DGKG: variants seen among roughly 807,000 people sequenced by gnomAD.
The protein encoded by DGKG is diacylglycerol kinase gamma.
DGKG carries 78 observed loss-of-function variants against 105.3 expected under a neutral mutation model. That is an observed-to-expected ratio of 0.74 (90% confidence interval 0.62 to 0.89). The LOEUF is 0.89. Ranked by LOEUF, DGKG falls within the 40% of genes least tolerant of loss-of-function variation. DGKG has a pLI of 0.00. For missense variants in DGKG, 958 were observed against 1,020.1 expected (o/e 0.94, Z 0.83); for synonymous variants, 346 against 367.1 (o/e 0.94, Z 0.66).
intron 1 of DGKG, among the ~76,000 whole-genome samples, chr3:186,337,335 A>G (rs752856008): frequency 6.6e-6 from 1 of 152,150 alleles, no homozygotes; most frequent in African/African-American, 2.4e-5. Flanking sequence ...AATAGAATAT[A>G]AGAGAAATTC....
At chr3:186,271,599 G>T (rs1722319779) in intron 11 of DGKG, among the ~76,000 whole-genome samples, 1 of 152,136 alleles carries the variant, frequency 6.6e-6, no homozygotes, top group African/African-American at 2.4e-5. Flanking sequence ...ACATCTTTAT[G>T]TGCTTGAAGC....
intron 24 of DGKG, chr3:186,161,202 CTTCCA>C: frequency 3.0e-6 from 3 of 990,394 alleles, no homozygotes; most frequent in South Asian, 4.6e-5. Flanking sequence ...GTAGATTTGG[CTTCCA>C]CGTAAGGAAG....
At chr3:186,285,070 T>C (rs943079329) in intron 6 of DGKG, among the ~76,000 whole-genome samples, 5 of 152,176 alleles carry the variant, frequency 3.3e-5, no homozygotes, top group Non-Finnish European at 7.3e-5. Context: ...CTATTGAGCA[T>C]AGAAAGTGTA....
chr3:186,285,908 A>G (rs1723046075), intron 6 of DGKG, among the ~76,000 whole-genome samples: 1 of 151,902 alleles, frequency 6.6e-6, no homozygotes, highest in Non-Finnish European at 1.5e-5. Context: ...CAAACTCCCG[A>G]CCTCAGATGA....
At chr3:186,164,299 AT>A (rs1343097292) in intron 23 of DGKG, among the ~76,000 whole-genome samples, 7 of 152,248 alleles carry the variant, frequency 4.6e-5, no homozygotes, top group African/African-American at 1.7e-4. Context: ...AGCTGCATTG[AT>A]TAATCAGAGG....
chr3:186,341,835 C>T (rs1726101698), intron 1 of DGKG, among the ~76,000 whole-genome samples: 1 of 152,050 alleles, frequency 6.6e-6, no homozygotes, highest in South Asian at 2.1e-4. Context: ...ACTATGCAGC[C>T]ATAAAAAATG....
intron 1 of DGKG, among the ~76,000 whole-genome samples, chr3:186,332,142 G>A (rs1725633896): frequency 6.6e-6 from 1 of 152,130 alleles, no homozygotes; most frequent in Non-Finnish European, 1.5e-5. Context: ...ACATGGAAGG[G>A]GAATGGAAGC....
intron 21 of DGKG, among the ~76,000 whole-genome samples, chr3:186,196,441 T>C (rs1214541521): frequency 2.0e-5 from 3 of 152,192 alleles, no homozygotes; most frequent in Non-Finnish European, 2.9e-5. Flanking sequence ...GCCCAGCCTT[T>C]TTCTCTTCTC....
intron 21 of DGKG, among the ~76,000 whole-genome samples, chr3:186,200,117 T>C (rs1560091414): frequency 6.6e-6 from 1 of 152,124 alleles, no homozygotes; most frequent in Non-Finnish European, 1.5e-5. Context: ...TGGTCCAGGA[T>C]ATTTGTGGGT....
Position 186,261,710 on chromosome 3 carries a change from T to A in DGKG, c.1338A>T (p.Arg446Ser). The stretch of plus-strand genomic sequence containing the variant: ...AGAAGAGAACGTACCTTTCTCCTTG[T>A]CTCCCTCCACTCTTGGGGTTCACCA... ...LVLVNPKSGGRQGERILRKFH... is the reference protein window; with the variant it reads ...LVLVNPKSGGSQGERILRKFH... Residue 446 changes from arginine to serine, a missense_variant, in exon 15 of 25, where the codon AGA becomes AGT. Arg to Ser is a moderately radical substitution (Grantham distance 110). Coordinates refer to ENST00000265022, the MANE Select transcript of DGKG (RefSeq NM_001346.3). 2 of 1,605,918 alleles carry A rather than the reference T, an allele frequency of 1.2e-6. No homozygotes were observed. Among genetic ancestry groups the A allele is most frequent in the Non-Finnish European group, 1.7e-6 (2 of 1,176,522 alleles).
rs1396458499 is a variant in DGKG at position 186,209,095 on chromosome 3, T to TTC, written c.1917+2699_1917+2700insGA. 2.5e-4 allele frequency among the ~76,000 whole-genome samples: 7 copies of TTC among 27,802 alleles called. No homozygotes were observed. The Admixed American group carries it at 2.9e-3, about 12-fold the overall frequency. 18.2% of individuals were successfully genotyped at this position (27,802 alleles called of 152,430 possible). A position where few individuals can be genotyped will look rare whatever the true frequency, so the allele number is the denominator to read the frequency against. On this transcript the variant is annotated intron_variant, in intron 21 of 24. Transcript: ENST00000265022. ...TTCTCTCCCTTCAGTTTACTCTTCT[T>TTC]TTTTTTTTTTTTTTTTTTTTTAAGA...
At chr3:186,174,978 G>A (rs1486765136) in intron 22 of DGKG, among the ~76,000 whole-genome samples, 1 of 152,208 alleles carries the variant, frequency 6.6e-6, no homozygotes, top group Non-Finnish European at 1.5e-5. Context: ...GGAGAAGCAG[G>A]GAGAACCACT....
At chr3:186,350,775 AT>A (rs539028322) in intron 1 of DGKG, among the ~76,000 whole-genome samples, 40 of 152,328 alleles carry the variant, frequency 2.6e-4, no homozygotes, top group African/African-American at 8.4e-4. Flanking sequence ...CTTTTAAAAA[AT>A]ATACATAATA....
chr3:186,239,518 C>T (rs1720573523), intron 20 of DGKG, among the ~76,000 whole-genome samples: 1 of 152,184 alleles, frequency 6.6e-6, no homozygotes, highest in African/African-American at 2.4e-5. Context: ...AATAAGGAAG[C>T]CTGAAGAAAA....
intron 13 of DGKG, among the ~76,000 whole-genome samples, chr3:186,265,565 A>C (rs1722008353): frequency 6.6e-6 from 1 of 152,098 alleles, no homozygotes; most frequent in Non-Finnish European, 1.5e-5. Flanking sequence ...AGTGGGGAGC[A>C]CTGAAAGTGG....
At position 186,164,937 on chromosome 3, in the gene DGKG, G is replaced by A; in HGVS notation, c.2177C>T (p.Ala726Val). Residue 726 changes from alanine (A) to valine (V), a missense_variant, in exon 23 of 25, where the codon GCA (alanine) becomes GTA (valine). Physicochemically the swap from Ala to Val is moderately conservative, Grantham distance 64 (BLOSUM62 0). Transcript: ENST00000265022. The stretch of plus-strand genomic sequence containing the variant: ...GGCGCACTGGGCCAGCCTCCTGCCT[G>A]CACTCTTCAGGCCGGTGTAGATCTG... ...MGQIYTGLKSAGRRLAQCASV... is the reference protein window; with the variant it reads ...MGQIYTGLKSVGRRLAQCASV... 1 of 1,613,896 alleles carries A rather than the reference G, an allele frequency of 6.2e-7. No individual in the cohort carries two copies. Among genetic ancestry groups the A allele is most frequent in the Non-Finnish European group, 8.5e-7 (1 of 1,179,962 alleles).
At chr3:186,299,840 T>TCTTTCTCTTTCTTTC (rs1553815789) in intron 3 of DGKG, among the ~76,000 whole-genome samples, 6 of 80,738 alleles carry the variant, frequency 7.4e-5, no homozygotes, top group South Asian at 7.4e-4. Flanking sequence ...TTTCTTTCTT[T>TCTTTCTCTTTCTTTC]TTTTTTTTTT....
Position 186,242,555 on chromosome 3 carries a change from G to A in DGKG, c.1775C>T (p.Ala592Val). The A allele has an allele frequency of 6.2e-7, 1 of 1,613,706 alleles. No individual in the cohort carries two copies. The highest frequency in any genetic ancestry group is 8.5e-7 in the Non-Finnish European group (1 of 1,179,706). ...YFSIGVDASI[A>V]HRFHVMREKH... ...CTCTCTCATCACATGGAATCTGTGTGCAATGGAAGCGTCCTGAAAGTGAAA... is the reference window on the plus strand; with the variant it reads ...CTCTCTCATCACATGGAATCTGTGTACAATGGAAGCGTCCTGAAAGTGAAA... The change falls in exon 20 of 25, where the codon GCA becomes GTA. Residue 592 changes from alanine (A) to valine (V), a missense_variant. By Grantham distance (64) the Ala-to-Val change is moderately conservative. Transcript: ENST00000265022.
intron 1 of DGKG, among the ~76,000 whole-genome samples, chr3:186,334,300 T>C (rs569706402): frequency 6.6e-6 from 1 of 152,154 alleles, no homozygotes; most frequent in Non-Finnish European, 1.5e-5. Flanking sequence ...CCACCCTGCA[T>C]CTGTACTGCT....
Sources: allele counts gnomAD v4.1 joint callset (sites outside exome capture counted in the v4.1 genomes callset), GRCh38; gene constraint gnomAD v4.1.1; transcripts MANE v1.5; gene names NCBI Gene and HGNC (gene_info 2026-07-23, HGNC 2026-07-21).